CKAP5: variants seen among roughly 807,000 people sequenced by gnomAD.
CKAP5 encodes cytoskeleton associated protein 5.
Under a neutral mutation model 232.8 loss-of-function variants are expected in CKAP5, and 27 were observed. The ratio of observed to expected loss-of-function variants is 0.12; its 90% CI spans 0.09 to 0.16. The LOEUF is 0.16. Ranked by LOEUF, CKAP5 falls within the 10% of genes least tolerant of loss-of-function variation. CKAP5 has a pLI of 1.00. For synonymous variants in CKAP5, 785 were observed against 841.1 expected (o/e 0.93, Z 1.16); for missense variants, 1,838 against 2,424.7 (o/e 0.76, Z 5.08).
rs147431080 is a variant in CKAP5 at position 46,752,500 on chromosome 11, C to T, written c.5133+135G>A. On this transcript the variant is annotated intron_variant, in intron 38 of 43. Coordinates refer to ENST00000529230, the MANE Select transcript of CKAP5 (RefSeq NM_001008938.4). ...TAAAAATTTATTAATATTTTTATTA[C>T]GAAAAATATATTTTCAGGTGTGACT... 719 of 563,276 alleles carry T rather than the reference C, an allele frequency of 1.3e-3. 3 individuals are homozygous for T. The highest frequency in any genetic ancestry group is 9.4e-3 in the African/African-American group (481 of 51,112). The allele number at this position is 563,276 out of a possible 1,614,324, so 34.9% of individuals were successfully genotyped here.
At chr11:46,814,960 T>C (rs543533668) in intron 4 of CKAP5, among the ~76,000 whole-genome samples, 23 of 152,354 alleles carry the variant, frequency 1.5e-4, no homozygotes, top group Non-Finnish European at 2.8e-4. Context: ...GAAAAAGAGC[T>C]GCTTAAATAC....
Position 46,783,019 on chromosome 11 carries a change from G to A in CKAP5, c.2249+255C>T, listed in dbSNP as rs563599440. 3.3e-5 allele frequency among the ~76,000 whole-genome samples: 5 copies of A among 152,256 alleles called. No individual in the cohort carries two copies. The South Asian group carries it at 1.0e-3, about 32-fold the overall frequency. On this transcript the variant is annotated intron_variant, in intron 18 of 43. Coordinates refer to ENST00000529230, the MANE Select transcript of CKAP5 (RefSeq NM_001008938.4). ...TAATGTATTTGACTAGAAATTCTTGGAACTGGATTTTCTGTGGGACAGCTA... is the reference window on the plus strand; with the variant it reads ...TAATGTATTTGACTAGAAATTCTTGAAACTGGATTTTCTGTGGGACAGCTA...
At position 46,760,614 on chromosome 11, in the gene CKAP5, G is replaced by A. The variant is rs767555480; in HGVS notation, c.4392C>T (p.Leu1464=). 6.2e-7 allele frequency: 1 copy of A among 1,613,984 alleles called. No individual in the cohort carries two copies. The change falls in exon 33 of 44, where the codon CTC becomes CTT. Residue 1464 remains leucine, a splice_region_variant and synonymous_variant. Transcript: ENST00000529230. The part of the protein sequence containing the change: ...KGPAEDMSSK[L]NQARSMSGHP... Reference sequence around the variant, plus strand: ...GACAAGTATCTCTATCTACATACTTGAGTTTGGAAGACATGTCCTCAGCTG... The same window carrying A: ...GACAAGTATCTCTATCTACATACTTAAGTTTGGAAGACATGTCCTCAGCTG...
intron 8 of CKAP5, among the ~76,000 whole-genome samples, chr11:46,807,723 T>C (rs1424866483): frequency 6.6e-6 from 1 of 152,212 alleles, no homozygotes; most frequent in Admixed American, 6.5e-5. Flanking sequence ...CTAACTTAAA[T>C]AGCTCATCCT....
At position 46,752,161 on chromosome 11, in the gene CKAP5, CATATATATAT is replaced by C. The variant is rs142364564; in HGVS notation, c.5133+464_5133+473del. 1.3e-3 allele frequency among the ~76,000 whole-genome samples: 113 copies of C among 88,824 alleles called. 2 individuals are homozygous for C. The highest frequency in any genetic ancestry group is 2.6e-3 in the East Asian group (6 of 2,288). 58.3% of individuals were successfully genotyped at this position (88,824 alleles called of 152,430 possible). On this transcript the variant is annotated intron_variant, in intron 38 of 43. Transcript: ENST00000529230. ...GGAAGGGAAAAACTGAAGACCAATT[CATATATATAT>C]ATATATATATATATATATATATACA...
intron 27 of CKAP5, among the ~76,000 whole-genome samples, chr11:46,767,167 G>T (rs2065209266): frequency 6.6e-6 from 1 of 151,980 alleles, no homozygotes; most frequent in Non-Finnish European, 1.5e-5. Context: ...GATTACAGGT[G>T]TGCCACCATG....
intron 29 of CKAP5, 125 bp from the exon 30 acceptor site, chr11:46,763,304 T>A (rs2065171505): frequency 3.0e-6 from 3 of 1,015,186 alleles, no homozygotes; most frequent in Non-Finnish European, 4.3e-6. Context: ...AAGCCTTCAA[T>A]TAAGACCTAA....
chr11:46,790,285 T>C, intron 14 of CKAP5, 99 bp from the exon 15 acceptor site: 1 of 841,864 alleles, frequency 1.2e-6, no homozygotes, highest in Non-Finnish European at 1.9e-6. Flanking sequence ...AATACTCCCA[T>C]AGGTATGCTA....
At position 46,788,467 on chromosome 11, in the gene CKAP5, G is replaced by A. The variant is rs867996795; in HGVS notation, c.1968+214C>T. On this transcript the variant is annotated intron_variant, in intron 16 of 43. Transcript: ENST00000529230. Reference sequence around the variant, plus strand: ...CGGGTGCCTGTAATCCCAGCTACTCGGGAGGCTGAGGCAGGAGAATTGCTT... The same window carrying A: ...CGGGTGCCTGTAATCCCAGCTACTCAGGAGGCTGAGGCAGGAGAATTGCTT... Among the ~76,000 whole-genome samples, 27 of 152,074 alleles carry A rather than the reference G, an allele frequency of 1.8e-4. 1 individual carries two copies. The highest frequency in any genetic ancestry group is 1.4e-3 in the Admixed American group (21 of 15,266).
intron 24 of CKAP5, among the ~76,000 whole-genome samples, chr11:46,773,092 T>C (rs11604116): frequency 0.014 from 2,207 of 152,266 alleles, 31 homozygotes; most frequent in Middle Eastern, 0.027. Context: ...CAGATGCTTA[T>C]ATCAAGTTGA....
At chr11:46,767,442 G>A in intron 27 of CKAP5, 133 bp downstream of exon 27, 1 of 534,492 alleles carries the variant, frequency 1.9e-6, no homozygotes. Flanking sequence ...ACAGAAATTT[G>A]TATAAATAAT....
Position 46,751,258 on chromosome 11 carries a change from G to C in CKAP5, c.5323-3C>G. 1 of 1,614,178 alleles carries C rather than the reference G, an allele frequency of 6.2e-7. No homozygotes were observed. The highest frequency in any genetic ancestry group is 8.5e-7 in the Non-Finnish European group (1 of 1,180,032). On this transcript the variant is annotated splice_polypyrimidine_tract_variant and splice_region_variant and intron_variant, in intron 39 of 43. Transcript: ENST00000529230. ...ATCATCGTTAGGTGGTCCAGGATCT[G>C]AGGGAGACACATGCATGACTGATAG...
chr11:46,751,296 CATG>C (rs1330837568), intron 39 of CKAP5, 41 bp from the exon 40 acceptor site: 1 of 1,614,142 alleles, frequency 6.2e-7, no homozygotes, highest in East Asian at 2.2e-5. Context: ...CTGCCATTTC[CATG>C]ATTTTCTCTC....
rs1429454609 is a variant in CKAP5, at chr11:46,750,569, C to G, written c.5503G>C (p.Glu1835Gln). 6.2e-7 allele frequency: 1 copy of G among 1,613,918 alleles called. No individual in the cohort carries two copies. ...TTAGAGCCAATCTTCTTAAAAATCT[C>G]AGCTAAGAAATCATTCACTTTGGCC... ...SKAKVNDFLAEIFKKIGSKEN... is the reference protein window; with the variant it reads ...SKAKVNDFLAQIFKKIGSKEN... Residue 1835 changes from glutamate (E) to glutamine (Q), a missense_variant, in exon 41 of 44, where the codon GAG (glutamate) becomes CAG (glutamine). Transcript: ENST00000529230.
intron 42 of CKAP5, among the ~76,000 whole-genome samples, 161 bp from the exon 43 acceptor site, chr11:46,744,738 G>C (rs185085926): frequency 6.3e-4 from 96 of 152,278 alleles, no homozygotes; most frequent in Non-Finnish European, 1.3e-3. Context: ...AGGGTGCTCT[G>C]AAATATACAA....
chr11:46,821,675 G>A (rs932708402), intron 1 of CKAP5, among the ~76,000 whole-genome samples: 1 of 151,648 alleles, frequency 6.6e-6, no homozygotes, highest in East Asian at 1.9e-4. Flanking sequence ...CACCCGCCTC[G>A]GCCTCCCAAA....
At chr11:46,750,114 G>A (rs2065052191) in intron 42 of CKAP5, among the ~76,000 whole-genome samples, 160 bp downstream of exon 42, 1 of 152,164 alleles carries the variant, frequency 6.6e-6, no homozygotes, top group African/African-American at 2.4e-5. Flanking sequence ...GTCAATTCAG[G>A]TGGCTAAGAA....
At chr11:46,796,721 T>TAA in intron 12 of CKAP5, 91 bp downstream of exon 12, 1 of 1,422,834 alleles carries the variant, frequency 7.0e-7, no homozygotes, top group Non-Finnish European at 9.5e-7. Flanking sequence ...TCATCAAAAC[T>TAA]ACCAGTACTC....
intron 1 of CKAP5, among the ~76,000 whole-genome samples, chr11:46,825,282 A>T (rs1341826025): frequency 6.6e-6 from 1 of 152,170 alleles, no homozygotes; most frequent in Non-Finnish European, 1.5e-5. Flanking sequence ...AGAGACCCCA[A>T]AATCTGTGCA....
Sources: allele counts gnomAD v4.1 joint callset (sites outside exome capture counted in the v4.1 genomes callset), GRCh38; gene constraint gnomAD v4.1.1; transcripts MANE v1.5; gene names NCBI Gene and HGNC (gene_info 2026-07-23, HGNC 2026-07-21).